Variants in AGBL1 observed in about 807,000 individuals in gnomAD.
AGBL1 encodes the protein cytosolic carboxypeptidase 4.
AGBL1 carries 130 observed loss-of-function variants against 118.9 expected under a neutral mutation model. The ratio of observed to expected loss-of-function variants is 1.09; its 90% confidence interval spans 0.95 to 1.26. The LOEUF is 1.26. AGBL1 is among the 50% of genes most tolerant of loss of function. The pLI is 0.00. For synonymous variants in AGBL1, 555 were observed against 478.9 expected (o/e 1.16, Z -2.08); for missense variants, 1,584 against 1,298.1 (o/e 1.22, Z -3.38).
At chr15:86,742,614 G>A (rs80353640) in intron 22 of AGBL1, among the ~76,000 whole-genome samples, 5,000 of 152,112 alleles carry the variant, frequency 0.033, 263 homozygotes, top group African/African-American at 0.11. Context: ...TTACCTCCCC[G>A]TAGGCCAGTC....
chr15:86,390,985 A>T (rs1415021725), intron 17 of AGBL1, among the ~76,000 whole-genome samples: 3 of 150,844 alleles, frequency 2.0e-5, no homozygotes, highest in Non-Finnish European at 2.9e-5. Context: ...TGATTTAATT[A>T]TGAAATTCCA....
chr15:86,657,539 C>A (rs569285550), intron 21 of AGBL1, among the ~76,000 whole-genome samples: 1 of 151,988 alleles, frequency 6.6e-6, no homozygotes, highest in Non-Finnish European at 1.5e-5. Flanking sequence ...AATCCATTGC[C>A]CCATGGGTTG....
chr15:86,327,870 C>A (rs1387003026), intron 17 of AGBL1, among the ~76,000 whole-genome samples: 2 of 152,102 alleles, frequency 1.3e-5, no homozygotes, highest in Non-Finnish European at 2.9e-5. Flanking sequence ...TCAGCAATTG[C>A]CAGATGGGGT....
intron 24 of AGBL1, among the ~76,000 whole-genome samples, chr15:86,998,688 T>C (rs1024690849): frequency 4.6e-5 from 7 of 152,190 alleles, no homozygotes; most frequent in African/African-American, 1.7e-4. Context: ...GCAGCTGATA[T>C]ACAGAATCTC....
intron 5 of AGBL1, among the ~76,000 whole-genome samples, chr15:86,189,183 A>G (rs2077677863): frequency 6.6e-6 from 1 of 152,118 alleles, no homozygotes. Flanking sequence ...CTTTAAAACC[A>G]TTTTCCCTGG....
At chr15:86,143,941 G>T in intron 3 of AGBL1, 96 bp downstream of exon 3, 1 of 1,439,006 alleles carries the variant, frequency 6.9e-7, no homozygotes, top group Non-Finnish European at 9.4e-7. Context: ...GTAGCACAGG[G>T]AGAAAGCGTC....
intron 21 of AGBL1, among the ~76,000 whole-genome samples, chr15:86,648,151 T>G (rs1412150501): frequency 6.6e-6 from 1 of 152,146 alleles, no homozygotes; most frequent in East Asian, 1.9e-4. Flanking sequence ...TGACTTACAT[T>G]TTGAAGGTCT....
intron 21 of AGBL1, among the ~76,000 whole-genome samples, chr15:86,646,999 T>TAA (rs1452452959): frequency 1.3e-5 from 2 of 152,188 alleles, no homozygotes; most frequent in Non-Finnish European, 2.9e-5. Flanking sequence ...TTTGAACACA[T>TAA]TGTTTTGTTG....
At chr15:86,763,702 T>G (rs1285348667) in intron 22 of AGBL1, among the ~76,000 whole-genome samples, 1 of 152,010 alleles carries the variant, frequency 6.6e-6, no homozygotes, top group Non-Finnish European at 1.5e-5. Flanking sequence ...GACTGTGTCC[T>G]AGCCCTGGCA....
chr15:86,255,295 C>A (rs2142009694), intron 7 of AGBL1, among the ~76,000 whole-genome samples: 1 of 152,184 alleles, frequency 6.6e-6, no homozygotes, highest in South Asian at 2.1e-4. Context: ...TTGACCAGAC[C>A]AAAGGGTGAA....
intron 22 of AGBL1, among the ~76,000 whole-genome samples, chr15:86,749,727 T>A (rs550160705): frequency 6.6e-6 from 1 of 152,358 alleles, no homozygotes; most frequent in African/African-American, 2.4e-5. Context: ...GAAGTGCTGT[T>A]GAATTTTGTC....
At chr15:86,176,428 C>G (rs542935138) in intron 5 of AGBL1, among the ~76,000 whole-genome samples, 1 of 152,254 alleles carries the variant, frequency 6.6e-6, no homozygotes, top group South Asian at 2.1e-4. Context: ...CTGTCAGTGG[C>G]AGCAGCCCCA....
chr15:86,560,103 G>A (rs2083793261), intron 21 of AGBL1, among the ~76,000 whole-genome samples: 1 of 151,882 alleles, frequency 6.6e-6, no homozygotes, highest in Non-Finnish European at 1.5e-5. Flanking sequence ...GTAATGTGAA[G>A]CCCTTAAAAA....
At chr15:86,313,074 A>G (rs1170816546) in intron 17 of AGBL1, among the ~76,000 whole-genome samples, 2 of 152,204 alleles carry the variant, frequency 1.3e-5, no homozygotes, top group Non-Finnish European at 2.9e-5. Flanking sequence ...ATAGAGTCAA[A>G]TGGGTATGCT....
At chr15:86,288,918 C>T (rs1351301258) in intron 16 of AGBL1, among the ~76,000 whole-genome samples, 1 of 151,816 alleles carries the variant, frequency 6.6e-6, no homozygotes, top group East Asian at 1.9e-4. Context: ...GTGAATTGTG[C>T]CCTTTATCAA....
chr15:86,091,248 G>A lies in AGBL1; in HGVS notation c.51+11225G>A, dbSNP rs1259030849. Among the ~76,000 whole-genome samples the A allele has an allele frequency of 4.6e-5, 7 of 152,162 alleles. No individual in the cohort carries two copies. The East Asian group carries it at 1.3e-3, about 29-fold the overall frequency. On this transcript the variant is annotated intron_variant, in intron 1 of 22. Coordinates refer to ENST00000614907, the MANE Select transcript of AGBL1 (RefSeq NM_001386094.1). ...TGTGCCAGGGAGTGGAAAGTAGTGG[G>A]TGGAAAGGTTTTCAGAATTTTATCA...
chr15:86,655,908 A>G (rs2085456200), intron 21 of AGBL1, among the ~76,000 whole-genome samples: 1 of 152,226 alleles, frequency 6.6e-6, no homozygotes, highest in Non-Finnish European at 1.5e-5. Context: ...GAGTTAGAAG[A>G]AAGACTGGCA....
intron 17 of AGBL1, among the ~76,000 whole-genome samples, chr15:86,392,650 C>A (rs2081305784): frequency 6.6e-6 from 1 of 152,138 alleles, no homozygotes; most frequent in African/African-American, 2.4e-5. Context: ...AGTTTTTACT[C>A]AACTTTTCAT....
At chr15:86,718,909 A>G (rs1468263970) in intron 22 of AGBL1, among the ~76,000 whole-genome samples, 1 of 152,140 alleles carries the variant, frequency 6.6e-6, no homozygotes, top group Non-Finnish European at 1.5e-5. Flanking sequence ...AAATCTAAAC[A>G]TTTCTGAATA....
Sources: gnomAD v4.1 joint callset for allele counts (sites outside exome capture counted in the v4.1 genomes callset) on GRCh38, gnomAD v4.1.1 for gene constraint, MANE v1.5 for transcripts, NCBI Gene and HGNC (gene_info 2026-07-23, HGNC 2026-07-21) for gene names.